Variants in AGO2 observed in about 807,000 individuals in gnomAD.
AGO2 encodes protein argonaute-2.
AGO2 carries 5 observed loss-of-function variants against 102.3 expected under a neutral mutation model. That is an observed-to-expected ratio of 0.05 (90% confidence interval 0.03 to 0.10). AGO2 has a LOEUF of 0.10. AGO2 is among the 10% of genes least tolerant of loss of function. AGO2 has a pLI of 1.00. For missense variants in AGO2, 541 were observed against 1,183.7 expected (o/e 0.46, Z 7.97); for synonymous variants, 449 against 473.1 (o/e 0.95, Z 0.66).
At position 140,551,259 on chromosome 8, in the gene AGO2, G is replaced by A. The variant is rs770605956; in HGVS notation, c.1403+44C>T. 6.9e-6 allele frequency: 10 copies of A among 1,451,852 alleles called. No individual in the cohort carries two copies. The South Asian group carries it at 7.2e-5, about 10-fold the overall frequency. The allele number at this position is 1,451,852 out of a possible 1,614,324, so 89.9% of individuals were successfully genotyped here. The stretch of plus-strand genomic sequence containing the variant: ...CAAGTGGTCACTTGAGCTGCCCATC[G>A]GGCAGCACCCCCAGGCCGGAGCCTC... On this transcript the variant is annotated intron_variant, in intron 11 of 18. Transcript: ENST00000220592.
chr8:140,546,622 T>A lies in AGO2; in HGVS notation c.1748+846A>T, dbSNP rs531266585. Among the ~76,000 whole-genome samples, 5 of 152,356 alleles carry A rather than the reference T, an allele frequency of 3.3e-5. No individual in the cohort carries two copies. The East Asian group carries it at 9.6e-4, about 29-fold the overall frequency. The stretch of plus-strand genomic sequence containing the variant: ...CACTGCCTGGCTTAGGATGGCTTTA[T>A]CAGCTGAGCCCCACTGTGACTGGGA... On this transcript the variant is annotated intron_variant, in intron 13 of 18. Transcript: ENST00000220592.
At chr8:140,578,850 G>A (rs1261097447) in intron 2 of AGO2, among the ~76,000 whole-genome samples, 1 of 152,268 alleles carries the variant, frequency 6.6e-6, no homozygotes, top group African/African-American at 2.4e-5. Flanking sequence ...AAGCCGGAGC[G>A]TGTTGCTAAT....
At position 140,628,679 on chromosome 8, in the gene AGO2, G is replaced by A. The variant is rs151283730; in HGVS notation, c.22+6806C>T. ...AGCTTCTTGGGAGGTGGAGGTGGGA[G>A]GTTTGAACCCGTGAAGTCAGGGCTG... On this transcript the variant is annotated intron_variant, in intron 1 of 18. Coordinates refer to ENST00000220592, the MANE Select transcript of AGO2 (RefSeq NM_012154.5). Among the ~76,000 whole-genome samples, 219 of 152,066 alleles carry A rather than the reference G, an allele frequency of 1.4e-3. 5 individuals are homozygous for A. In the South Asian group the frequency reaches 0.043, roughly 30 times the overall value.
chr8:140,611,686 C>T (rs2074080675), intron 1 of AGO2, among the ~76,000 whole-genome samples: 1 of 152,054 alleles, frequency 6.6e-6, no homozygotes, highest in African/African-American at 2.4e-5. Flanking sequence ...GGTGCACATA[C>T]CCACATACCC....
At chr8:140,556,813 G>A (rs976577819) in intron 8 of AGO2, among the ~76,000 whole-genome samples, 3 of 152,274 alleles carry the variant, frequency 2.0e-5, no homozygotes, top group South Asian at 2.1e-4. Flanking sequence ...GTGCAGTGAC[G>A]GAGCACCTGC....
At chr8:140,587,075 G>A (rs1025663016) in intron 1 of AGO2, among the ~76,000 whole-genome samples, 3 of 152,048 alleles carry the variant, frequency 2.0e-5, no homozygotes, top group African/African-American at 4.8e-5. Context: ...CCCCTCCACC[G>A]GGCCCCCAAG....
rs1220617243 is a variant in AGO2, at chr8:140,589,372, G to C, written c.23-4061C>G. On this transcript the variant is annotated intron_variant, in intron 1 of 18. Coordinates refer to ENST00000220592, the MANE Select transcript of AGO2 (RefSeq NM_012154.5). The surrounding 1 kb of genome is among the most constrained non-coding windows in gnomAD (Gnocchi z 4.2). The stretch of plus-strand genomic sequence containing the variant: ...ACCGGCGGGTGAACCACAGGCCCGG[G>C]TCAGCACCCATAGGCTGCGCAGCTG... 6.6e-6 allele frequency among the ~76,000 whole-genome samples: 1 copy of C among 152,090 alleles called. No individual in the cohort carries two copies. The highest frequency in any genetic ancestry group is 2.4e-5 in the African/African-American group (1 of 41,398).
intron 1 of AGO2, among the ~76,000 whole-genome samples, chr8:140,617,878 G>C (rs1035338779): frequency 2.6e-5 from 4 of 151,820 alleles, no homozygotes; most frequent in African/African-American, 9.7e-5. Context: ...GCCAGGTGTG[G>C]TGGCACACAC....
chr8:140,546,599 CT>C (rs1322191160), intron 13 of AGO2, among the ~76,000 whole-genome samples: 2 of 152,256 alleles, frequency 1.3e-5, no homozygotes, highest in Non-Finnish European at 2.9e-5. Flanking sequence ...ATTTAGCGCA[CT>C]GCCTGGCTTA....
chr8:140,641,694 G>T, the AGO2 span, among the ~76,000 whole-genome samples: 2 of 152,132 alleles, frequency 1.3e-5, no homozygotes, highest in African/African-American at 2.4e-5. Context: ...AGCAATTCTC[G>T]TGCCTCAGCC....
At chr8:140,637,491 GATA>G (rs1271559082), upstream of AGO2, 1 of 152,236 alleles carries the variant, frequency 6.6e-6, no homozygotes, top group Non-Finnish European at 1.5e-5. Context: ...CAGAAGGCAA[GATA>G]ATGTCTCTGA....
intron 2 of AGO2, among the ~76,000 whole-genome samples, chr8:140,573,214 G>A (rs1449052337): frequency 6.6e-6 from 1 of 151,946 alleles, no homozygotes; most frequent in Non-Finnish European, 1.5e-5. Flanking sequence ...TTGTTGCCCG[G>A]GCTGGAGTGC....
chr8:140,616,364 T>C (rs887736126), intron 1 of AGO2, among the ~76,000 whole-genome samples: 3 of 152,232 alleles, frequency 2.0e-5, no homozygotes, highest in Non-Finnish European at 4.4e-5. Flanking sequence ...CAAGGAAGAT[T>C]TGCCATGCAT....
rs1183473732 is a variant in AGO2 at position 140,522,701 on chromosome 8, A to AGAGG, written c.*9339_*9342dup. 3 of 107,614 alleles carry AGAGG rather than the reference A, an allele frequency of 2.8e-5. No homozygotes were observed. Among genetic ancestry groups the AGAGG allele is most frequent in the African/African-American group, 3.7e-5 (1 of 27,048 alleles). 6.7% of individuals were successfully genotyped at this position (107,614 alleles called of 1,614,324 possible). ...GAGAGAGACAGAGACAGAGACAGAG[A>AGAGG]GAGGGAGGGGGAGGGGGGAGAGGGG... On this transcript the variant is annotated 3_prime_UTR_variant, in exon 19 of 19. Coordinates refer to ENST00000220592, the MANE Select transcript of AGO2 (RefSeq NM_012154.5).
chr8:140,549,586 C>T (rs372727788), intron 11 of AGO2, among the ~76,000 whole-genome samples: 3 of 152,276 alleles, frequency 2.0e-5, no homozygotes, highest in South Asian at 2.1e-4. Flanking sequence ...CTTTAAACCG[C>T]GCTCACGCTG....
In AGO2 at chr8:140,559,256, A is replaced by G. The variant is rs529362912; in HGVS notation, c.790+139T>C. On this transcript the variant is annotated intron_variant, in intron 6 of 18. Coordinates refer to ENST00000220592, the MANE Select transcript of AGO2 (RefSeq NM_012154.5). ...AATGGATCTAACTCATCTCCATGCTACCTCATCTGATGGCTACATTCTGCC... is the reference window on the plus strand; with the variant it reads ...AATGGATCTAACTCATCTCCATGCTGCCTCATCTGATGGCTACATTCTGCC... 6 of 1,053,898 alleles carry G rather than the reference A, an allele frequency of 5.7e-6. No homozygotes were observed. The East Asian group carries it at 1.5e-4, about 26-fold the overall frequency. 65.3% of individuals were successfully genotyped at this position (1,053,898 alleles called of 1,614,324 possible).
At chr8:140,542,267 C>A (rs1375025028) in intron 14 of AGO2, among the ~76,000 whole-genome samples, 1 of 152,168 alleles carries the variant, frequency 6.6e-6, no homozygotes, top group Non-Finnish European at 1.5e-5. Context: ...TTTGAAAAAA[C>A]ACTGATGGAA....
chr8:140,569,276 A>G (rs573961734), intron 3 of AGO2, among the ~76,000 whole-genome samples: 3 of 152,268 alleles, frequency 2.0e-5, no homozygotes, highest in Admixed American at 6.5e-5. Flanking sequence ...AGGGTCTGCT[A>G]TTGTTCTGAG....
intron 10 of AGO2, chr8:140,555,686 A>G (rs940005560): frequency 6.0e-6 from 4 of 668,286 alleles, no homozygotes; most frequent in Non-Finnish European, 9.5e-6. Flanking sequence ...TTCTGAAAAC[A>G]TTAAGGATAA....
Sources: allele counts gnomAD v4.1 joint callset (sites outside exome capture counted in the v4.1 genomes callset), GRCh38; gene constraint gnomAD v4.1.1; non-coding constraint Gnocchi (gnomAD v3.1); transcripts MANE v1.5; gene names NCBI Gene and HGNC (gene_info 2026-07-23, HGNC 2026-07-21).